HDAC9: variants seen among roughly 807,000 people sequenced by gnomAD.
The protein encoded by HDAC9 is histone deacetylase 9.
HDAC9 carries 41 observed loss-of-function variants against 139.4 expected under a neutral mutation model. That is an observed-to-expected ratio of 0.29 (90% CI 0.23 to 0.38). The LOEUF is 0.38. Ranked by LOEUF, HDAC9 falls within the 10% of genes least tolerant of loss-of-function variation. The pLI is 1.00. For missense variants in HDAC9, 1,147 were observed against 1,297.0 expected (o/e 0.88, Z 1.78); for synonymous variants, 517 against 476.2 (o/e 1.09, Z -1.12).
chr7:18,125,420 CAT>C (rs1302247024), intron 1 of HDAC9, among the ~76,000 whole-genome samples: 4 of 132,758 alleles, frequency 3.0e-5, no homozygotes, highest in African/African-American at 5.5e-5. Context: ...TACACTAACA[CAT>C]ATATATATGC....
chr7:18,734,744 A>G (rs1248597971), intron 13 of HDAC9, among the ~76,000 whole-genome samples: 1 of 152,216 alleles, frequency 6.6e-6, no homozygotes, highest in Non-Finnish European at 1.5e-5. Context: ...TCCTTTGGGT[A>G]TATACCCAGT....
chr7:18,353,509 A>G (rs1783015535), intron 1 of HDAC9, among the ~76,000 whole-genome samples: 1 of 152,178 alleles, frequency 6.6e-6, no homozygotes, highest in Non-Finnish European at 1.5e-5. Context: ...GCCTCTGAGG[A>G]TAGTTATTAA....
chr7:18,424,593 ATTC>A (rs1198382148), intron 1 of HDAC9, among the ~76,000 whole-genome samples: 3 of 152,216 alleles, frequency 2.0e-5, no homozygotes, highest in African/African-American at 7.2e-5. Flanking sequence ...CTAATGAGAT[ATTC>A]TTCTTCTATT....
At chr7:18,420,362 A>G (rs1177241065) in intron 1 of HDAC9, among the ~76,000 whole-genome samples, 1 of 152,184 alleles carries the variant, frequency 6.6e-6, no homozygotes, top group African/African-American at 2.4e-5. Context: ...ATCAAAGTTC[A>G]ATGTGCTCAG....
At chr7:18,451,310 C>T (rs949769922) in intron 1 of HDAC9, among the ~76,000 whole-genome samples, 4 of 150,454 alleles carry the variant, frequency 2.7e-5, no homozygotes, top group Admixed American at 2.7e-4. Flanking sequence ...TATAAATTAC[C>T]CAGTCTAAGA....
In HDAC9 at chr7:18,458,884, G is replaced by A. The variant is rs1793587380; in HGVS notation, c.-41-37378G>A. On this transcript the variant is annotated intron_variant, in intron 1 of 3. Coordinates refer to the HDAC9 transcript ENST00000413509. Reference sequence around the variant, plus strand: ...GTACCATGGGTGCTATTCTGTGGCTGCTGTAGGATCTTCCCAGGTAGAACC... The same window carrying A: ...GTACCATGGGTGCTATTCTGTGGCTACTGTAGGATCTTCCCAGGTAGAACC... The A allele has an allele frequency of 3.9e-6, 6 of 1,534,592 alleles. No homozygotes were observed. The East Asian group carries it at 1.5e-4, about 38-fold the overall frequency.
chr7:18,786,910 C>G (rs528348527), intron 16 of HDAC9, among the ~76,000 whole-genome samples: 2 of 150,182 alleles, frequency 1.3e-5, no homozygotes, highest in Non-Finnish European at 3.0e-5. Context: ...ATGCACATTA[C>G]CGATATTCTG....
intron 1 of HDAC9, among the ~76,000 whole-genome samples, chr7:18,304,655 G>A (rs1426030912): frequency 2.0e-5 from 3 of 152,076 alleles, no homozygotes; most frequent in African/African-American, 7.2e-5. Flanking sequence ...TCAGAAACTA[G>A]ATCACCTACC....
chr7:18,451,134 G>A (rs955447725), intron 1 of HDAC9, among the ~76,000 whole-genome samples: 1 of 152,056 alleles, frequency 6.6e-6, no homozygotes, highest in Non-Finnish European at 1.5e-5. Context: ...GTGCCTTTAC[G>A]AAACAGGCCT....
At chr7:18,764,832 G>T (rs1789688087) in intron 15 of HDAC9, among the ~76,000 whole-genome samples, 1 of 152,090 alleles carries the variant, frequency 6.6e-6, no homozygotes, top group Admixed American at 6.6e-5. Flanking sequence ...CTTGATAGTT[G>T]TGTTCTAGAG....
At chr7:18,560,819 A>G (rs1820344149) in intron 2 of HDAC9, among the ~76,000 whole-genome samples, 1 of 152,162 alleles carries the variant, frequency 6.6e-6, no homozygotes, top group Non-Finnish European at 1.5e-5. Flanking sequence ...GAGAGGGAGC[A>G]TTAGCTTGGT....
intron 14 of HDAC9, 55 bp downstream of exon 14, chr7:18,749,193 G>A: frequency 6.4e-7 from 1 of 1,562,762 alleles, no homozygotes; most frequent in Non-Finnish European, 8.8e-7. Context: ...ATGTAAAGAG[G>A]CCAGTATTCA....
At chr7:18,206,210 T>C (rs1210057498) in intron 2 of HDAC9, among the ~76,000 whole-genome samples, 2 of 152,154 alleles carry the variant, frequency 1.3e-5, no homozygotes, top group African/African-American at 4.8e-5. Flanking sequence ...GTAATTTCTA[T>C]CATTGCAGCT....
At chr7:18,180,233 A>G (rs1455673766) in intron 2 of HDAC9, among the ~76,000 whole-genome samples, 1 of 134,438 alleles carries the variant, frequency 7.4e-6, no homozygotes, top group Non-Finnish European at 1.6e-5. Flanking sequence ...ACATACACAC[A>G]CACACACACA....
At chr7:18,357,754 C>T (rs1291138504) in intron 1 of HDAC9, among the ~76,000 whole-genome samples, 4 of 151,878 alleles carry the variant, frequency 2.6e-5, no homozygotes, top group Non-Finnish European at 4.4e-5. Flanking sequence ...ATGAGAAGGC[C>T]CTGAGTCAGG....
intron 7 of HDAC9, among the ~76,000 whole-genome samples, chr7:18,633,577 A>G (rs994621808): frequency 6.6e-6 from 1 of 152,104 alleles, no homozygotes; most frequent in Non-Finnish European, 1.5e-5. Flanking sequence ...TAGATAACAT[A>G]ATCATGAGTA....
At chr7:18,883,339 C>G (rs1459296772) in intron 22 of HDAC9, among the ~76,000 whole-genome samples, 2 of 152,040 alleles carry the variant, frequency 1.3e-5, no homozygotes, top group Non-Finnish European at 2.9e-5. Context: ...GGTTCATTCA[C>G]CATGATCAAG....
chr7:18,307,102 TG>T (rs1798968092), intron 1 of HDAC9, among the ~76,000 whole-genome samples: 2 of 12,300 alleles, frequency 1.6e-4, no homozygotes, highest in Non-Finnish European at 4.0e-4. Flanking sequence ...AGTTCTTGTG[TG>T]TGTGTGTGTG....
chr7:18,610,172 C>G (rs1285200289), intron 6 of HDAC9, among the ~76,000 whole-genome samples: 2 of 152,100 alleles, frequency 1.3e-5, no homozygotes, highest in Non-Finnish European at 2.9e-5. Context: ...CAGTGATAGA[C>G]TGGATTAAGA....
Sources: gnomAD v4.1 joint callset for allele counts (sites outside exome capture counted in the v4.1 genomes callset) on GRCh38, gnomAD v4.1.1 for gene constraint, MANE v1.5 for transcripts, NCBI Gene and HGNC (gene_info 2026-07-23, HGNC 2026-07-21) for gene names.